GUCY1A2: variants seen among roughly 807,000 people sequenced by gnomAD.
The protein encoded by GUCY1A2 is guanylate cyclase 1 soluble subunit alpha 2.
In GUCY1A2, 27 loss-of-function variants were observed where a neutral mutation model predicts 63.5. The observed-to-expected ratio is 0.43, with a 90% CI of 0.31 to 0.59. The LOEUF (loss-of-function observed/expected upper bound fraction) is 0.59. Ranked by LOEUF, GUCY1A2 falls within the 20% of genes least tolerant of loss-of-function variation. The pLI is 0.11. For missense variants in GUCY1A2, 768 were observed against 913.3 expected (o/e 0.84, Z 2.05); for synonymous variants, 364 against 343.5 (o/e 1.06, Z -0.66).
chr11:107,012,685 T>C (rs1422142266), intron 1 of GUCY1A2, among the ~76,000 whole-genome samples: 2 of 152,190 alleles, frequency 1.3e-5, no homozygotes, highest in East Asian at 3.8e-4. Flanking sequence ...AGAAAGGCAA[T>C]AGATTGCCAT....
intron 5 of GUCY1A2, among the ~76,000 whole-genome samples, chr11:106,793,153 G>T (rs1248241295): frequency 6.6e-6 from 1 of 152,084 alleles, no homozygotes; most frequent in Admixed American, 6.6e-5. Flanking sequence ...AAATAGTATG[G>T]TGATTGCATA....
At chr11:106,907,344 G>A (rs1354371250) in intron 4 of GUCY1A2, among the ~76,000 whole-genome samples, 1 of 151,792 alleles carries the variant, frequency 6.6e-6, no homozygotes, top group Non-Finnish European at 1.5e-5. Flanking sequence ...TTTTTTTAGG[G>A]TGACAATTCA....
At chr11:106,843,479 G>A (rs935190471) in intron 4 of GUCY1A2, among the ~76,000 whole-genome samples, 4 of 151,806 alleles carry the variant, frequency 2.6e-5, no homozygotes, top group African/African-American at 4.8e-5. Context: ...CTGTAGAGAC[G>A]TATTAGATAT....
At chr11:106,769,682 C>A (rs1220611876) in intron 6 of GUCY1A2, among the ~76,000 whole-genome samples, 2 of 151,896 alleles carry the variant, frequency 1.3e-5, no homozygotes, top group Admixed American at 1.3e-4. Context: ...ATTACTGTTA[C>A]AATAGAACAC....
At chr11:106,953,124 C>T (rs1307551073) in intron 3 of GUCY1A2, among the ~76,000 whole-genome samples, 1 of 152,130 alleles carries the variant, frequency 6.6e-6, no homozygotes, top group African/African-American at 2.4e-5. Context: ...TAAAGGAATG[C>T]TTCTAGCTTT....
chr11:106,937,940 A>T (rs775111952), intron 4 of GUCY1A2, among the ~76,000 whole-genome samples: 6 of 151,902 alleles, frequency 3.9e-5, no homozygotes, highest in Non-Finnish European at 7.4e-5. Flanking sequence ...ATCATTCTCA[A>T]ATAATTTTTT....
At position 106,685,198 on chromosome 11, in the gene GUCY1A2, G is replaced by C. The variant is rs925209892; in HGVS notation, c.*2351C>G. The C allele has an allele frequency of 3.0e-5, 6 of 203,072 alleles. No homozygotes were observed. The highest frequency in any genetic ancestry group is 2.4e-4 in the Admixed American group (4 of 16,714). The allele number at this position is 203,072 out of a possible 1,614,324, so 12.6% of individuals were successfully genotyped here. A position where few individuals can be genotyped will look rare whatever the true frequency, so the allele number is the denominator to read the frequency against. On this transcript the variant is annotated 3_prime_UTR_variant, in exon 8 of 8. Coordinates refer to ENST00000526355, the MANE Select transcript of GUCY1A2 (RefSeq NM_000855.3). ...AGAAATCTCTGGCACGTTCTTCATC[G>C]TGACATTTATGGCAATGTAAATGGA...
intron 3 of GUCY1A2, among the ~76,000 whole-genome samples, chr11:106,971,072 G>A (rs553149926): frequency 2.6e-5 from 4 of 152,138 alleles, no homozygotes; most frequent in South Asian, 2.1e-4. Flanking sequence ...GGTGACATGC[G>A]GTTGAACAAG....
intron 4 of GUCY1A2, among the ~76,000 whole-genome samples, chr11:106,854,338 G>GCAGGTA (rs1859397878): frequency 1.3e-5 from 2 of 152,216 alleles, no homozygotes; most frequent in Admixed American, 6.5e-5. Context: ...GAGGAGTACA[G>GCAGGTA]CAGCAGGTTG....
intron 6 of GUCY1A2, among the ~76,000 whole-genome samples, chr11:106,709,269 TTATATATATA>T (rs1385054332): frequency 1.5e-3 from 138 of 90,852 alleles, no homozygotes; most frequent in African/African-American, 5.6e-3. Context: ...ATAAATATAT[TTATATATATA>T]AATTTATATA....
In GUCY1A2 at chr11:106,745,212, T is replaced by C. The variant is rs184142973; in HGVS notation, c.1836+31227A>G. Among the ~76,000 whole-genome samples the C allele has an allele frequency of 3.1e-3, 475 of 152,320 alleles. 12 individuals carry two copies. The highest frequency in any genetic ancestry group is 1.9e-3 in the South Asian group (9 of 4,834). ...TATATTTAGACTGAAAACTAGTTTC[T>C]GTATTTTTATTTAATGGCATTCTAT... On this transcript the variant is annotated intron_variant, in intron 6 of 7. Coordinates refer to ENST00000526355, the MANE Select transcript of GUCY1A2 (RefSeq NM_000855.3).
rs146037359 is a variant in GUCY1A2, at chr11:106,772,031, T to C, written c.1836+4408A>G. On this transcript the variant is annotated intron_variant, in intron 6 of 7. Transcript: ENST00000526355. ...CATTAGAGTACTTATTGAACAATAA[T>C]TTACTTGAGTATTTATAGGCTGAAA... 3.9e-5 allele frequency among the ~76,000 whole-genome samples: 6 copies of C among 152,254 alleles called. No individual in the cohort carries two copies. The East Asian group carries it at 5.8e-4, about 15-fold the overall frequency.
chr11:107,018,099 C>G lies in GUCY1A2; in HGVS notation c.-44G>C, dbSNP rs1861854083. 4.6e-6 allele frequency: 6 copies of G among 1,317,270 alleles called. No homozygotes were observed. Among genetic ancestry groups the G allele is most frequent in the Non-Finnish European group, 5.0e-6 (5 of 1,003,100 alleles). 81.6% of individuals were successfully genotyped at this position (1,317,270 alleles called of 1,614,324 possible). On this transcript the variant is annotated 5_prime_UTR_variant, in exon 1 of 8. Coordinates refer to ENST00000526355, the MANE Select transcript of GUCY1A2 (RefSeq NM_000855.3). ...GCGGCCGAGGCGGTGGCGGCGAGGA[C>G]GCGAGCGGCGGCGGAGGCGGCGGTG...
At chr11:106,910,938 G>A (rs1358325416) in intron 4 of GUCY1A2, among the ~76,000 whole-genome samples, 1 of 152,016 alleles carries the variant, frequency 6.6e-6, no homozygotes, top group African/African-American at 2.4e-5. Context: ...TGAATGTATG[G>A]GCAGTTATCT....
At chr11:106,895,409 AT>A (rs1340730882) in intron 4 of GUCY1A2, among the ~76,000 whole-genome samples, 1 of 152,154 alleles carries the variant, frequency 6.6e-6, no homozygotes, top group African/African-American at 2.4e-5. Context: ...ACCAAATCTT[AT>A]CTTGAATTAT....
At chr11:106,945,474 A>C (rs992095479) in intron 3 of GUCY1A2, among the ~76,000 whole-genome samples, 6 of 152,206 alleles carry the variant, frequency 3.9e-5, no homozygotes, top group African/African-American at 1.2e-4. Flanking sequence ...TTAAGAGAAG[A>C]AGGAAAAGTA....
At chr11:106,858,880 A>T (rs1859472157) in intron 4 of GUCY1A2, among the ~76,000 whole-genome samples, 1 of 152,122 alleles carries the variant, frequency 6.6e-6, no homozygotes, top group Non-Finnish European at 1.5e-5. Flanking sequence ...AGAACATAAT[A>T]AGAAATATGT....
chr11:106,896,621 T>A (rs150342423), intron 4 of GUCY1A2, among the ~76,000 whole-genome samples: 48 of 152,254 alleles, frequency 3.2e-4, no homozygotes, highest in Non-Finnish European at 5.4e-4. Context: ...AGCATCCTTA[T>A]AAAAGGGCTC....
rs1861315115 is a variant in GUCY1A2 at position 106,980,080 on chromosome 11, CCT to C, written c.366-1342_366-1341del. Among the ~76,000 whole-genome samples, 5 of 152,262 alleles carry C rather than the reference CCT, an allele frequency of 3.3e-5. No individual in the cohort carries two copies. The South Asian group carries it at 1.0e-3, about 32-fold the overall frequency. On this transcript the variant is annotated intron_variant, in intron 2 of 7. Coordinates refer to ENST00000526355, the MANE Select transcript of GUCY1A2 (RefSeq NM_000855.3). ...GCAGTGGATTTCCTGATCATACTCC[CCT>C]GTCTGACTGATAAGAGGAAGAAGAC...
Sources: allele counts gnomAD v4.1 joint callset (sites outside exome capture counted in the v4.1 genomes callset), GRCh38; gene constraint gnomAD v4.1.1; transcripts MANE v1.5; gene names NCBI Gene and HGNC (gene_info 2026-07-23, HGNC 2026-07-21).